JAK3: variants seen among roughly 807,000 people sequenced by gnomAD.
The protein encoded by JAK3 is tyrosine-protein kinase JAK3.
A neutral mutation model predicts 120.8 loss-of-function variants in JAK3; 88 were observed. That is an observed-to-expected ratio of 0.73 (90% confidence interval 0.61 to 0.87). JAK3 has a LOEUF of 0.87. Among genes scored for constraint, JAK3 ranks in the 40% least tolerant of loss-of-function variants. The probability of loss-of-function intolerance (pLI) is 0.00; values close to 1 mark genes in which losing one functional copy is unlikely to be tolerated. For missense variants in JAK3, 1,254 were observed against 1,501.4 expected, an observed-to-expected ratio of 0.84 and a Z score of 2.72; for synonymous variants, 592 against 628.6, an observed-to-expected ratio of 0.94 and a Z score of 0.87.
rs750584952 is a variant in JAK3 at position 17,836,054 on chromosome 19, G to T, written c.1787-3C>A. The T allele has an allele frequency of 6.2e-7, 1 of 1,612,618 alleles. No homozygotes were observed. Among genetic ancestry groups the T allele is most frequent in the Non-Finnish European group, 8.5e-7 (1 of 1,180,010 alleles). On this transcript the variant is annotated splice_polypyrimidine_tract_variant and splice_region_variant and intron_variant, in intron 13 of 23. Coordinates refer to ENST00000458235, the MANE Select transcript of JAK3 (RefSeq NM_000215.4). Reference sequence around the variant, plus strand: ...TACAAATTCCTGCACCATGGTGCCTGGTTGGCAGCAGGGAGAGGCGGGGTT... The same window carrying T: ...TACAAATTCCTGCACCATGGTGCCTTGTTGGCAGCAGGGAGAGGCGGGGTT...
Position 17,844,258 on chromosome 19 carries a change from A to C in JAK3, c.160T>G (p.Cys54Gly). The change falls in exon 2 of 24, where the codon TGC becomes GGC. Residue 54 changes from cysteine (C) to glycine (G), a missense_variant. Around this residue, in one of 3 missense-constraint regions of JAK3, gnomAD observed 138 missense variants for 178.7 expected, o/e 0.77. Coordinates refer to ENST00000458235, the MANE Select transcript of JAK3 (RefSeq NM_000215.4). ...SFGDHLAEDL[C>G]VQAAKASGIL... The stretch of plus-strand genomic sequence containing the variant: ...CCGCTGGCCTTGGCAGCCTGCACGC[A>C]CAGGTCCTCAGCCAAGTGGTCCCCA... 1 of 1,602,258 alleles carries C rather than the reference A, an allele frequency of 6.2e-7. No homozygotes were observed. The highest frequency in any genetic ancestry group is 8.5e-7 in the Non-Finnish European group (1 of 1,175,524).
intron 23 of JAK3, among the ~76,000 whole-genome samples, chr19:17,828,576 A>C (rs1027137490): frequency 2.0e-5 from 3 of 149,582 alleles, no homozygotes; most frequent in African/African-American, 7.5e-5. Context: ...GTTTGTAGAG[A>C]CAAGGTCTCA....
chr19:17,833,009 C>G, intron 17 of JAK3, 80 bp from the exon 18 acceptor site: 3 of 1,550,842 alleles, frequency 1.9e-6, no homozygotes, highest in Non-Finnish European at 2.6e-6. Flanking sequence ...TGTGCAACCT[C>G]CATCTGCATA....
rs551774107 is a variant in JAK3, at chr19:17,838,168, G to A, written c.1569+95C>T. 4.1e-4 allele frequency: 660 copies of A among 1,612,146 alleles called. 12 individuals are homozygous for A. The South Asian group carries it at 6.1e-3, about 15-fold the overall frequency. On this transcript the variant is annotated intron_variant, in intron 11 of 23. Coordinates refer to ENST00000458235, the MANE Select transcript of JAK3 (RefSeq NM_000215.4). ...GCCCCATTTTACAGATGGGAAAACC[G>A]AGGCAAGGTAAAATTATAGCATATG...
rs202146490 is a variant in JAK3, at chr19:17,843,860, C to T, written c.225G>A (p.Thr75=). The T allele has an allele frequency of 3.1e-5, 50 of 1,613,424 alleles. No individual in the cohort carries two copies. The highest frequency in any genetic ancestry group is 3.4e-5 in the Non-Finnish European group (40 of 1,179,968). ...PVYHSLFALA[T]EDLSCWFPPS... is the part of the protein sequence containing the mutation. The stretch of plus-strand genomic sequence containing the variant: ...GGGGGAACCAGCAGGACAGGTCCTC[C>T]GTGGCCAGAGCAAAGAGGGAGTGGT... The change falls in exon 3 of 24, where the codon ACG becomes ACA. Residue 75 remains threonine (T), a synonymous_variant. Transcript: ENST00000458235. This position sits in a 1 kb window ranked among gnomAD's most constrained non-coding sequence, Gnocchi z 5.4.
At position 17,844,378 on chromosome 19, in the gene JAK3, G is replaced by A. The variant is rs896064879; in HGVS notation, c.40C>T (p.Arg14Cys). ...PSEETPLIPQ[R>C]SCSLLSTEAG... ...TCCGTGGACAAGAGGCTGCATGAAC[G>A]CTGAGGGATCAGGGGCGTCTCTTCA... The change falls in exon 2 of 24, where the codon CGT becomes TGT. Residue 14 changes from arginine (R) to cysteine (C), a missense_variant. By Grantham distance (180) the Arg-to-Cys change is radical. Around this residue, in one of 3 missense-constraint regions of JAK3, gnomAD observed 138 missense variants for 178.7 expected, o/e 0.77. Coordinates refer to ENST00000458235, the MANE Select transcript of JAK3 (RefSeq NM_000215.4). The A allele has an allele frequency of 4.3e-6, 7 of 1,612,190 alleles. No individual in the cohort carries two copies. The highest frequency in any genetic ancestry group is 1.7e-4 in the Middle Eastern group (1 of 6,050).
Position 17,843,375 on chromosome 19 carries a change from C to A in JAK3, c.420+5G>T, listed in dbSNP as rs2147699419. Reference sequence around the variant, plus strand: ...CCCTGGGTCAAACCCCAGGCAGAACCCCACCTGGGCAAAGAGGTGCTCCAG... The same window carrying A: ...CCCTGGGTCAAACCCCAGGCAGAACACCACCTGGGCAAAGAGGTGCTCCAG... On this transcript the variant is annotated splice_donor_5th_base_variant and intron_variant, in intron 4 of 23. Transcript: ENST00000458235. This position sits in a 1 kb window ranked among gnomAD's most constrained non-coding sequence, Gnocchi z 5.4. 1 of 1,579,130 alleles carries A rather than the reference C, an allele frequency of 6.3e-7. No individual in the cohort carries two copies. Among genetic ancestry groups the A allele is most frequent in the Middle Eastern group, 1.7e-4 (1 of 6,004 alleles).
rs2094229344 is a variant in JAK3, at chr19:17,838,318, T to C, written c.1514A>G (p.Gln505Arg). ...AAATGTCATCTGACTCAGCTGGTAT[T>C]GGGATTGGGGCTGAACCAAGGATGA... Reference protein sequence around the residue: ...PTSSLVQPQSQYQLSQMTFHK... With the variant: ...PTSSLVQPQSRYQLSQMTFHK... Residue 505 changes from glutamine (Q) to arginine (R), a missense_variant, in exon 11 of 24, where the codon CAA (glutamine) becomes CGA (arginine). This residue lies in a region of JAK3 where 486 missense variants were observed against 503.0 expected (regional missense o/e 0.97). Transcript: ENST00000458235. 6.2e-7 allele frequency: 1 copy of C among 1,613,954 alleles called. No homozygotes were observed. The highest frequency in any genetic ancestry group is 1.7e-5 in the Admixed American group (1 of 59,966).
intron 23 of JAK3, 131 bp from the exon 24 acceptor site, chr19:17,827,041 A>G (rs762264259): frequency 1.4e-4 from 139 of 1,010,816 alleles, no homozygotes; most frequent in Admixed American, 2.5e-4. Flanking sequence ...GTGCAATGGC[A>G]TGATCTCGGC....
Position 17,832,542 on chromosome 19 carries a change from T to C in JAK3, c.2657A>G (p.Tyr886Cys), listed in dbSNP as rs1428917753. The C allele has an allele frequency of 6.2e-7, 1 of 1,614,232 alleles. No individual in the cohort carries two copies. The highest frequency in any genetic ancestry group is 1.1e-5 in the South Asian group (1 of 91,090). The change falls in exon 19 of 24, where the codon TAT becomes TGT. Residue 886 changes from tyrosine (Y) to cysteine (C), a missense_variant. Physicochemically the swap from Tyr to Cys is radical, Grantham distance 194. Transcript: ENST00000458235. The surrounding 1 kb of genome is among the most constrained non-coding windows in gnomAD (Gnocchi z 4.7). The part of the protein sequence containing the change: ...KALHSDFIVK[Y>C]RGVSYGPGRQ... ...ACCCGGGCCATAGCTGACACCACGA[T>C]ACTTGACAATGAAATCACTGTGCAG...
chr19:17,829,790 C>G (rs1451777426), intron 23 of JAK3: 3 of 463,928 alleles, frequency 6.5e-6, no homozygotes, highest in African/African-American at 3.9e-5. Context: ...AAACCATGAA[C>G]GTCACCACCA....
At chr19:17,838,734 G>A (rs1479172339) in intron 10 of JAK3, among the ~76,000 whole-genome samples, 1 of 27,234 alleles carries the variant, frequency 3.7e-5, no homozygotes, top group East Asian at 9.0e-4. Context: ...TTTTTTTTTT[G>A]AGACAGAGTC....
At chr19:17,834,807 T>C in intron 16 of JAK3, 45 bp downstream of exon 16, 1 of 1,613,320 alleles carries the variant, frequency 6.2e-7, no homozygotes, top group African/African-American at 1.3e-5. Flanking sequence ...TGCCCTTCTG[T>C]CAAAGTGGGG....
rs1223468095 is a variant in JAK3, at chr19:17,831,783, C to T, written c.2696G>A (p.Arg899Gln). Residue 899 changes from arginine to glutamine, a missense_variant, in exon 20 of 24, where the codon CGG (arginine) becomes CAG (glutamine). Coordinates refer to ENST00000458235, the MANE Select transcript of JAK3 (RefSeq NM_000215.4). The surrounding 1 kb of genome is among the most constrained non-coding windows in gnomAD (Gnocchi z 5.1). ...GCTGGGCAGGTACTCCATGACCAGC[C>T]GCAGGCTCTGGCGGCCTGGAGAAGG... The part of the protein sequence containing the change: ...VSYGPGRQSL[R>Q]LVMEYLPSGC... The T allele has an allele frequency of 2.5e-6, 4 of 1,612,638 alleles. No homozygotes were observed. The highest frequency in any genetic ancestry group is 3.4e-6 in the Non-Finnish European group (4 of 1,179,836).
At position 17,844,404 on chromosome 19, in the gene JAK3, C is replaced by T. The variant is rs566269022; in HGVS notation, c.14G>A (p.Ser5Asn). MAPP[S>N]EETPLIPQRS... ...CTGAGGGATCAGGGGCGTCTCTTCA[C>T]TTGGAGGTGCCATGAGTGCAACTTG... Residue 5 changes from serine to asparagine, a missense_variant, in exon 2 of 24, where the codon AGT (serine) becomes AAT (asparagine). This residue lies in a region of JAK3 where 138 missense variants were observed against 178.7 expected (regional missense o/e 0.77). Transcript: ENST00000458235. 5 of 1,610,726 alleles carry T rather than the reference C, an allele frequency of 3.1e-6. No individual in the cohort carries two copies. In the African/African-American group the frequency reaches 6.7e-5, roughly 21 times the overall value.
chr19:17,835,335 G>T, intron 14 of JAK3, 120 bp from the exon 15 acceptor site: 1 of 1,294,422 alleles, frequency 7.7e-7, no homozygotes, highest in Non-Finnish European at 1.1e-6. Flanking sequence ...CTCCAGCATC[G>T]TCCCTGACTC....
At chr19:17,829,360 T>C (rs2094209584) in intron 23 of JAK3, among the ~76,000 whole-genome samples, 1 of 152,046 alleles carries the variant, frequency 6.6e-6, no homozygotes. Context: ...GGTGTCACCA[T>C]GTTGGCCAGG....
At position 17,834,556 on chromosome 19, in the gene JAK3, C is replaced by T. The variant is rs2147681184; in HGVS notation, c.2350+15G>A. ...ACATCACAGCCCTCCCCACCCAACC[C>T]GTCCCAGCGGGCACCTGAAGAGATG... On this transcript the variant is annotated intron_variant, in intron 17 of 23. Coordinates refer to ENST00000458235, the MANE Select transcript of JAK3 (RefSeq NM_000215.4). The T allele has an allele frequency of 1.2e-6, 2 of 1,610,504 alleles. No individual in the cohort carries two copies. Among genetic ancestry groups the T allele is most frequent in the Non-Finnish European group, 1.7e-6 (2 of 1,177,390 alleles).
chr19:17,835,348 G>A, intron 14 of JAK3, 133 bp from the exon 15 acceptor site: 1 of 1,214,542 alleles, frequency 8.2e-7, no homozygotes, highest in Non-Finnish European at 1.1e-6. Flanking sequence ...CCTGACTCCT[G>A]ACATCCTGTC....
Sources: allele counts gnomAD v4.1 joint callset (sites outside exome capture counted in the v4.1 genomes callset), GRCh38; gene constraint gnomAD v4.1.1; regional missense constraint gnomAD v4.1.1; non-coding constraint Gnocchi (gnomAD v3.1); transcripts MANE v1.5; gene names NCBI Gene and HGNC (gene_info 2026-07-23, HGNC 2026-07-21).